Variants in UNC5D observed in about 807,000 individuals in gnomAD.
UNC5D encodes netrin receptor UNC5D.
UNC5D carries 39 observed loss-of-function variants against 105.4 expected under a neutral mutation model. The ratio of observed to expected loss-of-function variants is 0.37; its 90% CI spans 0.29 to 0.48. The LOEUF (loss-of-function observed/expected upper bound fraction) is 0.48, where lower values mean the gene tolerates loss of function less well. Ranked by LOEUF, UNC5D falls within the 20% of genes least tolerant of loss-of-function variation. The pLI is 0.98. For missense variants in UNC5D, 991 were observed against 1,202.4 expected (o/e 0.82, Z 2.60); for synonymous variants, 452 against 450.4 (o/e 1.00, Z -0.04).
chr8:35,750,519 CA>C (rs1178631447), intron 12 of UNC5D, 62 bp from the exon 13 acceptor site: 10 of 1,503,358 alleles, frequency 6.7e-6, no homozygotes, highest in Non-Finnish European at 9.3e-6. Context: ...TGTGTCCTGG[CA>C]ATATAAAGGT....
chr8:35,269,942 C>T (rs1201380708), intron 1 of UNC5D, among the ~76,000 whole-genome samples: 2 of 152,110 alleles, frequency 1.3e-5, no homozygotes, highest in Non-Finnish European at 2.9e-5. Flanking sequence ...TGATGGCATC[C>T]CCCAGCCACT....
chr8:35,297,600 A>T (rs772511985), intron 1 of UNC5D, among the ~76,000 whole-genome samples: 1 of 152,168 alleles, frequency 6.6e-6, no homozygotes, highest in Non-Finnish European at 1.5e-5. Context: ...ACACTAGGAC[A>T]CAGGCCCAGC....
intron 1 of UNC5D, among the ~76,000 whole-genome samples, chr8:35,443,998 A>G (rs1807608670): frequency 1.3e-5 from 2 of 152,046 alleles, no homozygotes; most frequent in Non-Finnish European, 2.9e-5. Flanking sequence ...TTCTTTAAAC[A>G]CATACTTTTG....
intron 1 of UNC5D, among the ~76,000 whole-genome samples, chr8:35,479,884 A>G (rs1238114889): frequency 1.3e-5 from 2 of 152,152 alleles, no homozygotes; most frequent in African/African-American, 2.4e-5. Context: ...CACACAATTT[A>G]ACCATATAAC....
chr8:35,330,384 C>T (rs912212267), intron 1 of UNC5D, among the ~76,000 whole-genome samples: 11 of 152,278 alleles, frequency 7.2e-5, no homozygotes, highest in African/African-American at 2.2e-4. Flanking sequence ...CCATTTTCTT[C>T]ATCTGTAAAA....
rs780574207 is a variant in UNC5D at position 35,774,515 on chromosome 8, G to A, written c.2657+38G>A. 1.6e-5 allele frequency: 26 copies of A among 1,607,696 alleles called. No homozygotes were observed. In the East Asian group the frequency reaches 4.5e-4, roughly 28 times the overall value. ...AGCTTCTGGAAGACGATGTTACTAA[G>A]AGAACTTGGAAACATAAAGTGGGCT... On this transcript the variant is annotated intron_variant, in intron 16 of 16. Coordinates refer to ENST00000404895, the MANE Select transcript of UNC5D (RefSeq NM_080872.4).
chr8:35,575,794 T>C (rs1035321757), intron 3 of UNC5D, among the ~76,000 whole-genome samples: 5 of 152,148 alleles, frequency 3.3e-5, no homozygotes, highest in African/African-American at 1.2e-4. Context: ...CTGAAATTAA[T>C]ATATAGGAAT....
intron 4 of UNC5D, among the ~76,000 whole-genome samples, chr8:35,599,085 G>A (rs1263742923): frequency 7.1e-6 from 1 of 140,888 alleles, no homozygotes; most frequent in Non-Finnish European, 1.5e-5. Context: ...AGAGGTTGCA[G>A]TGAGCCAGGA....
At chr8:35,252,656 T>C (rs545115697) in intron 1 of UNC5D, among the ~76,000 whole-genome samples, 6 of 152,202 alleles carry the variant, frequency 3.9e-5, no homozygotes, top group Non-Finnish European at 8.8e-5. Context: ...GTTATTCATT[T>C]TGTTGTCAGT....
chr8:35,594,050 C>A (rs554769568), intron 3 of UNC5D, among the ~76,000 whole-genome samples: 1 of 152,120 alleles, frequency 6.6e-6, no homozygotes, highest in Non-Finnish European at 1.5e-5. Context: ...CTGAATCAAA[C>A]GGGCTGTGGC....
In UNC5D at chr8:35,549,520, TGCAGCAGTCAGAA is replaced by T. The variant is rs1563524824; in HGVS notation, c.322+16_322+28del. On this transcript the variant is annotated intron_variant, in intron 2 of 16. Transcript: ENST00000404895. Reference sequence around the variant, plus strand: ...CTGGACGAGAGCTCAGGTAGGAGCGTGCAGCAGTCAGAAGCAGCTGTGGTGACTCTTTAGGTTC... The same window carrying T: ...CTGGACGAGAGCTCAGGTAGGAGCGTGCAGCTGTGGTGACTCTTTAGGTTC... The T allele has an allele frequency of 6.2e-6, 10 of 1,609,404 alleles. No individual in the cohort carries two copies. The highest frequency in any genetic ancestry group is 5.5e-5 in the South Asian group (5 of 90,578).
chr8:35,680,364 T>C (rs1016904844), intron 4 of UNC5D, among the ~76,000 whole-genome samples: 1 of 152,212 alleles, frequency 6.6e-6, no homozygotes, highest in African/African-American at 2.4e-5. Flanking sequence ...TTAGACTTTA[T>C]TCTTAGTGCT....
chr8:35,483,105 A>AT (rs111335295), intron 1 of UNC5D, among the ~76,000 whole-genome samples: 62 of 147,506 alleles, frequency 4.2e-4, no homozygotes, highest in African/African-American at 1.0e-3. Context: ...ACCTGGCCCC[A>AT]TTTTTTTTTT....
intron 9 of UNC5D, among the ~76,000 whole-genome samples, chr8:35,724,670 G>T (rs1442431207): frequency 6.6e-6 from 1 of 152,204 alleles, no homozygotes; most frequent in Non-Finnish European, 1.5e-5. Context: ...AGACTAGGCA[G>T]ATCTTCTAAG....
intron 4 of UNC5D, among the ~76,000 whole-genome samples, chr8:35,628,784 T>C (rs1215039808): frequency 1.3e-5 from 2 of 152,230 alleles, no homozygotes; most frequent in Non-Finnish European, 2.9e-5. Context: ...TATCATGGTA[T>C]GAGACTTACT....
chr8:35,442,135 A>C (rs1807448035), intron 1 of UNC5D, among the ~76,000 whole-genome samples: 1 of 151,802 alleles, frequency 6.6e-6, no homozygotes, highest in Non-Finnish European at 1.5e-5. Flanking sequence ...TTGGCTATTC[A>C]AGGTTATTAG....
chr8:35,695,536 T>C (rs1340429057), intron 7 of UNC5D, among the ~76,000 whole-genome samples: 1 of 151,798 alleles, frequency 6.6e-6, no homozygotes, highest in Non-Finnish European at 1.5e-5. Flanking sequence ...ACTCTGTCTC[T>C]TAAAAATAAA....
chr8:35,266,313 A>C (rs570645917), intron 1 of UNC5D, among the ~76,000 whole-genome samples: 2 of 152,232 alleles, frequency 1.3e-5, no homozygotes, highest in African/African-American at 4.8e-5. Flanking sequence ...ATAGCATTCA[A>C]TTGAAATGTA....
chr8:35,738,011 C>T (rs1829563643), intron 11 of UNC5D, among the ~76,000 whole-genome samples: 1 of 152,080 alleles, frequency 6.6e-6, no homozygotes, highest in Admixed American at 6.6e-5. Context: ...GAGGCTGAGG[C>T]AGGAGAATCG....
Sources: allele counts gnomAD v4.1 joint callset (sites outside exome capture counted in the v4.1 genomes callset), GRCh38; gene constraint gnomAD v4.1.1; transcripts MANE v1.5; gene names NCBI Gene and HGNC (gene_info 2026-07-23, HGNC 2026-07-21).